The following DNAJC15 variants were observed in gnomAD, a reference collection of about 807,000 sequenced individuals.
DNAJC15 encodes the protein DnaJ heat shock protein family (Hsp40) member C15, also known as dnaJ homolog subfamily C member 15.
A neutral mutation model predicts 22.4 loss-of-function variants in DNAJC15; 27 were observed. The observed-to-expected ratio is 1.20, with a 90% CI of 0.89 to 1.66. The LOEUF (loss-of-function observed/expected upper bound fraction) is 1.66. Among genes scored for constraint, DNAJC15 ranks in the 40% most tolerant of loss-of-function variants. DNAJC15 has a pLI of 0.00. For synonymous variants in DNAJC15, 79 were observed against 63.2 expected (o/e 1.25, Z -1.19); for missense variants, 208 against 187.1 (o/e 1.11, Z -0.65).
At chr13:43,104,004 CTT>C (rs763161478) in intron 5 of DNAJC15, among the ~76,000 whole-genome samples, 4 of 152,032 alleles carry the variant, frequency 2.6e-5, no homozygotes, top group East Asian at 1.9e-4. Context: ...AGTATAGTCT[CTT>C]ATAACAATAT....
chr13:43,076,668 C>G (rs1244965474), intron 3 of DNAJC15, among the ~76,000 whole-genome samples: 2 of 152,080 alleles, frequency 1.3e-5, no homozygotes, highest in Non-Finnish European at 2.9e-5. Flanking sequence ...GTGTATGTTT[C>G]CTCCTAAAAG....
chr13:43,068,837 A>G, intron 2 of DNAJC15, 93 bp from the exon 3 acceptor site: 1 of 1,011,490 alleles, frequency 9.9e-7, no homozygotes, highest in Non-Finnish European at 1.4e-6. Flanking sequence ...AACATATATA[A>G]ACTATCAATA....
At chr13:43,046,967 C>T (rs1219142530) in intron 1 of DNAJC15, among the ~76,000 whole-genome samples, 1 of 152,184 alleles carries the variant, frequency 6.6e-6, no homozygotes, top group East Asian at 1.9e-4. Flanking sequence ...TGCTGGGTTC[C>T]ACCGTTCTCT....
chr13:43,057,575 G>A (rs1004138214), intron 1 of DNAJC15, among the ~76,000 whole-genome samples: 5 of 151,918 alleles, frequency 3.3e-5, no homozygotes, highest in African/African-American at 9.7e-5. Context: ...CATAATAATC[G>A]ACCTTCTGAA....
chr13:43,093,074 T>G (rs1289088544), intron 5 of DNAJC15, among the ~76,000 whole-genome samples: 1 of 152,256 alleles, frequency 6.6e-6, no homozygotes, highest in Admixed American at 6.5e-5. Context: ...CACTGTCTAA[T>G]TTCCTCTTAA....
At chr13:43,058,905 A>G (rs543346519) in intron 1 of DNAJC15, among the ~76,000 whole-genome samples, 1 of 152,298 alleles carries the variant, frequency 6.6e-6, no homozygotes, top group South Asian at 2.1e-4. Flanking sequence ...CAGGTTCCCC[A>G]GTGAGGATGC....
At position 43,105,440 on chromosome 13, in the gene DNAJC15, G is replaced by A. The variant is rs191380425; in HGVS notation, c.383-1738G>A. Among the ~76,000 whole-genome samples, 217 of 152,288 alleles carry A rather than the reference G, an allele frequency of 1.4e-3. 1 individual carries two copies. Among genetic ancestry groups the A allele is most frequent in the Admixed American group, 2.7e-3 (42 of 15,296 alleles). On this transcript the variant is annotated intron_variant, in intron 5 of 5. Transcript: ENST00000379221. ...GAGGAACTTTTCCAACTATTTAGAG[G>A]TAGAATGAGGGTCAAAAGAACCAGT...
chr13:43,113,132 A>C lies in DNAJC15; in HGVS notation c.*5884A>C, dbSNP rs537852230. 6.6e-6 allele frequency: 1 copy of C among 152,232 alleles called. No individual in the cohort carries two copies. The highest frequency in any genetic ancestry group is 6.5e-5 in the Admixed American group (1 of 15,282). 9.4% of individuals were successfully genotyped at this position (152,232 alleles called of 1,614,324 possible). ...ACAAGAGCTTTCAAGGAGAACATCC[A>C]GAGCAAGGTTCTGAAGACAGCTCAT... On this transcript the variant is annotated 3_prime_UTR_variant, in exon 6 of 6. Coordinates refer to ENST00000379221, the MANE Select transcript of DNAJC15 (RefSeq NM_013238.3).
intron 5 of DNAJC15, among the ~76,000 whole-genome samples, chr13:43,101,553 G>A (rs891702966): frequency 9.2e-5 from 14 of 152,076 alleles, no homozygotes; most frequent in African/African-American, 2.7e-4. Flanking sequence ...GTAGTCTTTC[G>A]TCCCTCATCT....
intron 1 of DNAJC15, among the ~76,000 whole-genome samples, chr13:43,039,928 A>G (rs1398566159): frequency 6.6e-6 from 1 of 152,180 alleles, no homozygotes; most frequent in Non-Finnish European, 1.5e-5. Flanking sequence ...CTGAGACAGG[A>G]GAATTGGTTG....
intron 1 of DNAJC15, among the ~76,000 whole-genome samples, chr13:43,043,955 G>A (rs993584452): frequency 6.6e-6 from 1 of 152,078 alleles, no homozygotes; most frequent in African/African-American, 2.4e-5. Context: ...AATTTATATT[G>A]GCTTGAAGAT....
chr13:43,066,977 A>G (rs930799978), intron 2 of DNAJC15, among the ~76,000 whole-genome samples: 1 of 152,222 alleles, frequency 6.6e-6, no homozygotes, highest in Admixed American at 6.5e-5. Context: ...TCATTAACTT[A>G]CAGCAGTTTT....
chr13:43,028,835 GA>G (rs1185017127), intron 1 of DNAJC15, among the ~76,000 whole-genome samples: 2 of 152,224 alleles, frequency 1.3e-5, no homozygotes, highest in South Asian at 2.1e-4. Flanking sequence ...CCTAGTAGGA[GA>G]AAATTGTTTT....
At chr13:43,083,623 A>G (rs946795560) in intron 4 of DNAJC15, among the ~76,000 whole-genome samples, 3 of 152,258 alleles carry the variant, frequency 2.0e-5, no homozygotes, top group African/African-American at 7.2e-5. Flanking sequence ...TAGCAAAAAA[A>G]GGAGTTGATA....
Position 43,065,709 on chromosome 13 carries a change from A to C in DNAJC15, c.132A>C (p.Gly44=), listed in dbSNP as rs3783044. The change falls in exon 2 of 6, where the codon GGA becomes GGC. Residue 44 remains glycine, a synonymous_variant. Coordinates refer to ENST00000379221, the MANE Select transcript of DNAJC15 (RefSeq NM_013238.3). ...AGGTAAGAAGTTTGATAGCTGTAGGACTGGGTGTTGCAGCTCTTGCATTTG... is the reference window on the plus strand; with the variant it reads ...AGGTAAGAAGTTTGATAGCTGTAGGCCTGGGTGTTGCAGCTCTTGCATTTG... The part of the protein sequence containing the change: ...QRLVRSLIAV[G]LGVAALAFAG... The C allele has an allele frequency of 0.21, 337,366 of 1,611,726 alleles. 38,016 individuals carry two copies. Among genetic ancestry groups the C allele is most frequent in the South Asian group, 0.36 (33,069 of 90,872 alleles).
At chr13:43,071,686 A>G (rs981002081) in intron 3 of DNAJC15, among the ~76,000 whole-genome samples, 1 of 152,216 alleles carries the variant, frequency 6.6e-6, no homozygotes, top group Non-Finnish European at 1.5e-5. Flanking sequence ...GGGTTACTAA[A>G]AAGACAGGAA....
At chr13:43,034,595 G>A (rs567035469) in intron 1 of DNAJC15, among the ~76,000 whole-genome samples, 19 of 147,020 alleles carry the variant, frequency 1.3e-4, no homozygotes, top group Admixed American at 2.7e-4. Flanking sequence ...GATTACAGGC[G>A]TGAGCCACCG....
chr13:43,089,193 G>A (rs532731278), intron 5 of DNAJC15, among the ~76,000 whole-genome samples: 1 of 152,156 alleles, frequency 6.6e-6, no homozygotes, highest in Non-Finnish European at 1.5e-5. Context: ...TCTTAGATTA[G>A]ATTGATAGGA....
At chr13:43,105,385 A>G (rs2040791473) in intron 5 of DNAJC15, among the ~76,000 whole-genome samples, 1 of 152,186 alleles carries the variant, frequency 6.6e-6, no homozygotes, top group South Asian at 2.1e-4. Context: ...ACACTACTTG[A>G]AGAGACTATA....
Sources: allele counts gnomAD v4.1 joint callset (sites outside exome capture counted in the v4.1 genomes callset), GRCh38; gene constraint gnomAD v4.1.1; transcripts MANE v1.5; gene names NCBI Gene and HGNC (gene_info 2026-07-23, HGNC 2026-07-21).